CA10: variants seen among roughly 807,000 people sequenced by gnomAD.
CA10 encodes the protein carbonic anhydrase 10 (inactive).
A neutral mutation model predicts 44.2 loss-of-function variants in CA10; 14 were observed. That is an observed-to-expected ratio of 0.32 (90% CI 0.21 to 0.50). The LOEUF is 0.50. Ranked by LOEUF, CA10 falls within the 20% of genes least tolerant of loss-of-function variation. The probability of loss-of-function intolerance (pLI) is 0.99; values close to 1 mark genes in which losing one functional copy is unlikely to be tolerated. For missense variants in CA10, 350 were observed against 409.7 expected, an observed-to-expected ratio of 0.85 and a Z score of 1.26; for synonymous variants, 159 against 141.6, an observed-to-expected ratio of 1.12 and a Z score of -0.87.
intron 1 of CA10, among the ~76,000 whole-genome samples, chr17:52,083,564 T>C (rs917988985): frequency 1.3e-5 from 2 of 152,122 alleles, no homozygotes; most frequent in African/African-American, 2.4e-5. Context: ...CTCATCCCCC[T>C]CACTCTCCCA....
chr17:51,983,860 C>G (rs1318609669), intron 2 of CA10, among the ~76,000 whole-genome samples: 1 of 151,694 alleles, frequency 6.6e-6, no homozygotes. Flanking sequence ...AGTAGTGTCA[C>G]TGCTTGGGTG....
intron 2 of CA10, among the ~76,000 whole-genome samples, chr17:51,961,742 C>G (rs948804815): frequency 6.6e-6 from 1 of 152,174 alleles, no homozygotes; most frequent in Admixed American, 6.5e-5. Flanking sequence ...ACTACCAAAA[C>G]TGACAAGAAA....
intron 1 of CA10, among the ~76,000 whole-genome samples, chr17:52,141,121 C>T (rs924684999): frequency 9.9e-5 from 15 of 152,112 alleles, no homozygotes; most frequent in African/African-American, 3.1e-4. Flanking sequence ...CCTTCCCTGC[C>T]GAACTGCCAT....
At chr17:51,728,709 G>A (rs1376890938) in intron 4 of CA10, among the ~76,000 whole-genome samples, 1 of 152,202 alleles carries the variant, frequency 6.6e-6, no homozygotes, top group East Asian at 1.9e-4. Context: ...GTGTCTGCCA[G>A]GTTCCTTCTC....
intron 4 of CA10, among the ~76,000 whole-genome samples, chr17:51,730,045 G>A (rs562086405): frequency 2.6e-5 from 4 of 152,308 alleles, no homozygotes; most frequent in South Asian, 4.1e-4. Context: ...TCAAGTCTAA[G>A]CAATCTGGAT....
chr17:51,994,229 G>A (rs564505602), intron 2 of CA10, among the ~76,000 whole-genome samples: 1 of 149,376 alleles, frequency 6.7e-6, no homozygotes, highest in South Asian at 2.1e-4. Context: ...ACAAGAGTAG[G>A]GATTAGATTG....
intron 3 of CA10, among the ~76,000 whole-genome samples, chr17:51,817,969 C>T (rs1396505846): frequency 6.6e-6 from 1 of 152,178 alleles, no homozygotes; most frequent in Non-Finnish European, 1.5e-5. Flanking sequence ...TCTATACAAC[C>T]CAACATTGCT....
intron 2 of CA10, among the ~76,000 whole-genome samples, chr17:51,951,868 C>A (rs138808943): frequency 6.6e-6 from 1 of 152,188 alleles, no homozygotes; most frequent in Non-Finnish European, 1.5e-5. Context: ...AATCCTGTAT[C>A]CAGGAGGAAA....
intron 3 of CA10, among the ~76,000 whole-genome samples, chr17:51,911,481 T>C (rs1236549932): frequency 6.6e-6 from 1 of 152,130 alleles, no homozygotes; most frequent in Non-Finnish European, 1.5e-5. Context: ...TTAGTTGACA[T>C]GTTATATGGA....
At chr17:51,904,372 T>C (rs1245028593) in intron 3 of CA10, among the ~76,000 whole-genome samples, 1 of 151,992 alleles carries the variant, frequency 6.6e-6, no homozygotes, top group African/African-American at 2.4e-5. Flanking sequence ...CTCACCCCTC[T>C]CCCACCATTT....
chr17:52,127,529 T>G (rs1321882582), intron 1 of CA10, among the ~76,000 whole-genome samples: 3 of 152,152 alleles, frequency 2.0e-5, no homozygotes, highest in African/African-American at 7.2e-5. Context: ...CCTCCAATAA[T>G]GAAGTAACAA....
chr17:51,927,791 T>C (rs1449910955), intron 3 of CA10, among the ~76,000 whole-genome samples: 1 of 152,184 alleles, frequency 6.6e-6, no homozygotes, highest in Non-Finnish European at 1.5e-5. Flanking sequence ...TATATCATAA[T>C]CAAACTTCTT....
intron 1 of CA10, among the ~76,000 whole-genome samples, chr17:52,129,701 A>G (rs1989192357): frequency 1.3e-5 from 2 of 152,220 alleles, no homozygotes; most frequent in Non-Finnish European, 2.9e-5. Flanking sequence ...TTACAGTTTG[A>G]TGCCCATGGG....
At chr17:51,970,841 C>T (rs1171515265) in intron 2 of CA10, among the ~76,000 whole-genome samples, 4 of 151,928 alleles carry the variant, frequency 2.6e-5, no homozygotes, top group African/African-American at 4.8e-5. Flanking sequence ...AAAATACCTA[C>T]ACAGAGGAAC....
intron 2 of CA10, among the ~76,000 whole-genome samples, chr17:51,937,387 T>C (rs1402631015): frequency 2.0e-5 from 3 of 152,110 alleles, no homozygotes; most frequent in African/African-American, 4.8e-5. Flanking sequence ...TTTTGGTCTG[T>C]TTCTGATTTG....
At chr17:51,822,766 T>C (rs1163085210) in intron 3 of CA10, among the ~76,000 whole-genome samples, 2 of 152,096 alleles carry the variant, frequency 1.3e-5, no homozygotes, top group Non-Finnish European at 2.9e-5. Flanking sequence ...CTGCTCTAGG[T>C]TTTGAAGAAT....
intron 2 of CA10, among the ~76,000 whole-genome samples, chr17:52,009,117 T>C (rs12937967): frequency 6.6e-6 from 1 of 151,964 alleles, no homozygotes; most frequent in African/African-American, 2.4e-5. Flanking sequence ...ATCTCACTCC[T>C]TCAAGAGTCA....
chr17:51,749,935 C>T (rs987869441), intron 3 of CA10, among the ~76,000 whole-genome samples: 1 of 152,202 alleles, frequency 6.6e-6, no homozygotes, highest in Non-Finnish European at 1.5e-5. Flanking sequence ...CTTACCAATA[C>T]ATTTTTAAAC....
At chr17:52,084,448 G>A (rs1988065608) in intron 1 of CA10, among the ~76,000 whole-genome samples, 1 of 2,264 alleles carries the variant, frequency 4.4e-4, no homozygotes, top group Non-Finnish European at 7.7e-4. Flanking sequence ...GACCATATCT[G>A]GGCTTTCCAC....
Sources: allele counts gnomAD v4.1 joint callset (sites outside exome capture counted in the v4.1 genomes callset), GRCh38; gene constraint gnomAD v4.1.1; transcripts MANE v1.5; gene names NCBI Gene and HGNC (gene_info 2026-07-23, HGNC 2026-07-21).